The following SLC35A3 variants were observed in gnomAD, a reference collection of about 807,000 sequenced individuals.
SLC35A3 encodes the protein solute carrier family 35 member A3, also known as UDP-N-acetylglucosamine transporter.
SLC35A3 carries 26 observed loss-of-function variants against 39.0 expected under a neutral mutation model. That is an observed-to-expected ratio of 0.67 (90% confidence interval 0.49 to 0.92). SLC35A3 has a LOEUF of 0.92. Among genes scored for constraint, SLC35A3 ranks in the 40% least tolerant of loss-of-function variants. The pLI, the probability that SLC35A3 is intolerant of heterozygous loss-of-function variation, is 0.00. For missense variants in SLC35A3, 299 were observed against 371.6 expected (o/e 0.80, Z 1.61); for synonymous variants, 135 against 133.1 (o/e 1.01, Z -0.10).
rs917058722 is a variant in SLC35A3 at position 100,007,106 on chromosome 1, T to C, written c.415T>C (p.Tyr139His). The C allele has an allele frequency of 1.2e-6, 2 of 1,612,712 alleles. No homozygotes were observed. Among genetic ancestry groups the C allele is most frequent in the Non-Finnish European group, 1.7e-6 (2 of 1,179,296 alleles). ...VSMLSKKLGVYQWLSLVILMT... is the reference protein window; with the variant it reads ...VSMLSKKLGVHQWLSLVILMT... ...TATGCTTAGTAAAAAATTGGGTGTA[T>C]ACCAGTGGCTGTCCCTAGTAATTTT... The change falls in exon 4 of 8, where the codon TAC becomes CAC. Residue 139 changes from tyrosine (Y) to histidine (H), a missense_variant. Tyr to His is a moderately conservative substitution (Grantham distance 83). Coordinates refer to ENST00000533028, the MANE Select transcript of SLC35A3 (RefSeq NM_012243.3).
At chr1:99,982,991 G>C (rs1332769350) in intron 1 of SLC35A3, among the ~76,000 whole-genome samples, 1 of 152,134 alleles carries the variant, frequency 6.6e-6, no homozygotes, top group African/African-American at 2.4e-5. Context: ...TGTGATTGCT[G>C]TATCAAATCA....
intron 3 of SLC35A3, among the ~76,000 whole-genome samples, chr1:100,001,499 T>G (rs945287873): frequency 6.6e-6 from 1 of 152,146 alleles, no homozygotes; most frequent in Non-Finnish European, 1.5e-5. Context: ...CTTTTTCAGC[T>G]AGCTTGTTAT....
chr1:99,984,556 A>G (rs987174787), intron 1 of SLC35A3, among the ~76,000 whole-genome samples: 1 of 152,218 alleles, frequency 6.6e-6, no homozygotes, highest in African/African-American at 2.4e-5. Context: ...GTGTGCAAAT[A>G]TCTTTTTCAT....
At position 99,993,500 on chromosome 1, in the gene SLC35A3, A is replaced by C; in HGVS notation, c.-18-37A>C. 4 of 1,562,078 alleles carry C rather than the reference A, an allele frequency of 2.6e-6. No homozygotes were observed. The Admixed American group carries it at 6.8e-5, about 27-fold the overall frequency. On this transcript the variant is annotated intron_variant, in intron 1 of 7. Transcript: ENST00000533028. ...AAATATACTAGTTTTCATATGTTGTAATCTTATTTATTTGCCCTGTTTATT... is the reference window on the plus strand; with the variant it reads ...AAATATACTAGTTTTCATATGTTGTCATCTTATTTATTTGCCCTGTTTATT...
rs1660888922 is a variant in SLC35A3, at chr1:100,025,920, T to C, written c.*3444T>C. 1 of 152,180 alleles carries C rather than the reference T, an allele frequency of 6.6e-6. No individual in the cohort carries two copies. The highest frequency in any genetic ancestry group is 6.6e-5 in the Admixed American group (1 of 15,266). 9.4% of individuals were successfully genotyped at this position (152,180 alleles called of 1,614,324 possible). On this transcript the variant is annotated 3_prime_UTR_variant, in exon 8 of 8. Transcript: ENST00000533028. ...AAGTTTGAAATGCAACAAATGGATATTTCAACACAGTAGTATTATATTATC... is the reference window on the plus strand; with the variant it reads ...AAGTTTGAAATGCAACAAATGGATACTTCAACACAGTAGTATTATATTATC...
chr1:99,983,030 C>G (rs1657546058), intron 1 of SLC35A3, among the ~76,000 whole-genome samples: 1 of 151,958 alleles, frequency 6.6e-6, no homozygotes, highest in African/African-American at 2.4e-5. Context: ...CATTCATACC[C>G]AAAGATTATA....
intron 3 of SLC35A3, among the ~76,000 whole-genome samples, chr1:100,003,754 ATCTC>A (rs1658999406): frequency 6.6e-6 from 1 of 152,186 alleles, no homozygotes; most frequent in Non-Finnish European, 1.5e-5. Flanking sequence ...ATTGGAGTCT[ATCTC>A]TCTCTTTAGA....
intron 3 of SLC35A3, among the ~76,000 whole-genome samples, chr1:100,003,868 A>G (rs1330017389): frequency 6.6e-6 from 1 of 152,160 alleles, no homozygotes; most frequent in African/African-American, 2.4e-5. Flanking sequence ...CTTTATCATG[A>G]TATAATTACC....
Position 99,993,465 on chromosome 1 carries a change from C to T in SLC35A3, c.-18-72C>T, listed in dbSNP as rs74647865. On this transcript the variant is annotated intron_variant, in intron 1 of 7. Coordinates refer to ENST00000533028, the MANE Select transcript of SLC35A3 (RefSeq NM_012243.3). ...TGCAGGCCCTCTCCCTTCTCCCTCT[C>T]GGTGTTTTTAAATATACTAGTTTTC... The T allele has an allele frequency of 0.047, 59,124 of 1,263,828 alleles. 1,683 individuals are homozygous for T. The highest frequency in any genetic ancestry group is 0.11 in the African/African-American group (6,956 of 65,444). The allele number at this position is 1,263,828 out of a possible 1,614,324, so 78.3% of individuals were successfully genotyped here. A position where few individuals can be genotyped will look rare whatever the true frequency, so the allele number is the denominator to read the frequency against.
intron 1 of SLC35A3, among the ~76,000 whole-genome samples, chr1:99,971,416 C>T (rs1017433128): frequency 2.0e-5 from 3 of 151,996 alleles, no homozygotes; most frequent in South Asian, 2.1e-4. Context: ...ATGCCGTTCT[C>T]CTGCCTCAGC....
intron 1 of SLC35A3, chr1:99,978,834 G>A (rs963204552): frequency 7.9e-5 from 12 of 152,156 alleles, no homozygotes; most frequent in Non-Finnish European, 1.8e-4. Flanking sequence ...GTACTCTTCG[G>A]TAAACCAGTT....
intron 1 of SLC35A3, among the ~76,000 whole-genome samples, chr1:99,973,885 G>A (rs926205252): frequency 6.6e-6 from 1 of 152,098 alleles, no homozygotes; most frequent in Non-Finnish European, 1.5e-5. Flanking sequence ...CGTGGTGGTG[G>A]ACACCTGTAG....
intron 6 of SLC35A3, among the ~76,000 whole-genome samples, chr1:100,015,936 T>C (rs1660072025): frequency 6.6e-6 from 1 of 152,144 alleles, no homozygotes; most frequent in Non-Finnish European, 1.5e-5. Flanking sequence ...AAAATGAAGA[T>C]ACAAGTCACT....
At chr1:99,986,834 C>A (rs138705425) in intron 1 of SLC35A3, among the ~76,000 whole-genome samples, 1,598 of 152,296 alleles carry the variant, frequency 0.01, 15 homozygotes, top group Middle Eastern at 0.058. Context: ...GTGATCTGCA[C>A]ACCTGGGCCT....
chr1:100,005,223 ATGCT>A (rs1659140157), intron 3 of SLC35A3, among the ~76,000 whole-genome samples: 1 of 152,066 alleles, frequency 6.6e-6, no homozygotes, highest in Non-Finnish European at 1.5e-5. Flanking sequence ...ATGTAACTTG[ATGCT>A]TGTCTCTTGC....
In SLC35A3 at chr1:100,029,935, G is replaced by T. The variant is rs888666145; in HGVS notation, c.*7459G>T. The T allele has an allele frequency of 3.3e-5, 5 of 151,856 alleles. No individual in the cohort carries two copies. The highest frequency in any genetic ancestry group is 5.9e-5 in the Non-Finnish European group (4 of 67,972). 9.4% of individuals were successfully genotyped at this position (151,856 alleles called of 1,614,324 possible). ...TTTAATGACAACTTTATAAATGCTG[G>T]ACTATTTTAAACTACAAATTTAAAA... On this transcript the variant is annotated 3_prime_UTR_variant, in exon 8 of 8. Transcript: ENST00000533028.
chr1:99,979,244 CCTCA>C (rs1283950139), intron 1 of SLC35A3, among the ~76,000 whole-genome samples: 1 of 152,098 alleles, frequency 6.6e-6, no homozygotes, highest in Non-Finnish European at 1.5e-5. Context: ...GTCAGCAAGG[CCTCA>C]CTCCATCTGG....
chr1:99,977,403 A>G (rs1657174103), intron 1 of SLC35A3, among the ~76,000 whole-genome samples: 2 of 150,622 alleles, frequency 1.3e-5, no homozygotes, highest in Admixed American at 6.6e-5. Context: ...GCGTGGTGGC[A>G]GGTGCCTGTA....
At chr1:100,003,437 AAAGAG>A (rs1449023262) in intron 3 of SLC35A3, among the ~76,000 whole-genome samples, 8 of 151,686 alleles carry the variant, frequency 5.3e-5, no homozygotes, top group Admixed American at 4.6e-4. Flanking sequence ...AAAAAAAAAA[AAAGAG>A]AAGAGGAAAA....
Sources: allele counts gnomAD v4.1 joint callset (sites outside exome capture counted in the v4.1 genomes callset), GRCh38; gene constraint gnomAD v4.1.1; transcripts MANE v1.5; gene names NCBI Gene and HGNC (gene_info 2026-07-23, HGNC 2026-07-21).